FHIT: variants seen among roughly 807,000 people sequenced by gnomAD.
FHIT encodes bis(5'-adenosyl)-triphosphatase.
A neutral mutation model predicts 17.9 loss-of-function variants in FHIT; 19 were observed. The ratio of observed to expected loss-of-function variants is 1.06; its 90% CI spans 0.74 to 1.56. FHIT has a LOEUF of 1.56. Ranked by LOEUF, FHIT falls within the 40% of genes most tolerant of loss-of-function variation. The probability of loss-of-function intolerance (pLI) is 0.00; values close to 1 mark genes in which losing one functional copy is unlikely to be tolerated. For synonymous variants in FHIT, 81 were observed against 69.7 expected (o/e 1.16, Z -0.81); for missense variants, 248 against 189.2 (o/e 1.31, Z -1.82).
rs1553680331 is a variant in FHIT, at chr3:60,624,899, T to TG, written c.-17-87921_-17-87920insC. ...AAGATATTTGGCTTGTTTCTAGTTT[T>TG]TTTTTTTGTTTGTTTGTTTGTTTGT... is the stretch of plus-strand genomic sequence containing the variant. On this transcript the variant is annotated intron_variant, in intron 4 of 9. Transcript: ENST00000492590. 2.1e-5 allele frequency among the ~76,000 whole-genome samples: 3 copies of TG among 140,284 alleles called. No homozygotes were observed. The East Asian group carries it at 6.2e-4, about 29-fold the overall frequency. The allele number at this position is 140,284 out of a possible 152,430, so 92.0% of individuals were successfully genotyped here. A position where few individuals can be genotyped will look rare whatever the true frequency, so the allele number is the denominator to read the frequency against.
chr3:60,370,916 G>C (rs1373805799), intron 5 of FHIT, among the ~76,000 whole-genome samples: 1 of 152,158 alleles, frequency 6.6e-6, no homozygotes, highest in Non-Finnish European at 1.5e-5. Flanking sequence ...CATTGCTTTT[G>C]TGCCTCTCAC....
At chr3:60,491,930 C>T (rs1262303813) in intron 5 of FHIT, among the ~76,000 whole-genome samples, 1 of 152,120 alleles carries the variant, frequency 6.6e-6, no homozygotes, top group Non-Finnish European at 1.5e-5. Flanking sequence ...AGTAGCATTA[C>T]ATGTTTGGCT....
chr3:60,671,149 G>C (rs2107842145), intron 4 of FHIT, among the ~76,000 whole-genome samples: 1 of 152,238 alleles, frequency 6.6e-6, no homozygotes, highest in African/African-American at 2.4e-5. Flanking sequence ...TCTAGATTAT[G>C]CTTAACTAGA....
chr3:60,965,384 C>T (rs1553782927), intron 3 of FHIT, among the ~76,000 whole-genome samples: 4 of 152,198 alleles, frequency 2.6e-5, no homozygotes, highest in Non-Finnish European at 5.9e-5. Context: ...GAACATCCTC[C>T]TTTAGCTTGG....
chr3:60,574,156 A>T (rs2856018), intron 4 of FHIT, among the ~76,000 whole-genome samples: 48,871 of 151,874 alleles, frequency 0.32, 8,162 homozygotes, highest in East Asian at 0.46. Flanking sequence ...CGATTTAAAC[A>T]ATGATCCCAG....
intron 3 of FHIT, among the ~76,000 whole-genome samples, chr3:61,014,807 A>AAAATT (rs1553798839): frequency 1.0e-4 from 5 of 49,116 alleles, no homozygotes; most frequent in African/African-American, 1.6e-4. Flanking sequence ...AAAAAAAAAA[A>AAAATT]ATATATATAT....
intron 4 of FHIT, among the ~76,000 whole-genome samples, chr3:60,569,742 T>G (rs369103760): frequency 1.2e-4 from 8 of 66,066 alleles, no homozygotes; most frequent in African/African-American, 4.4e-4. Flanking sequence ...TATATATATA[T>G]ATATATATAT....
intron 4 of FHIT, among the ~76,000 whole-genome samples, chr3:60,570,672 T>C (rs947060830): frequency 6.6e-6 from 1 of 150,380 alleles, no homozygotes; most frequent in Non-Finnish European, 1.5e-5. Flanking sequence ...ACTTCAGAAG[T>C]TGGTCACCTT....
intron 4 of FHIT, among the ~76,000 whole-genome samples, chr3:60,698,357 CT>C (rs1389229175): frequency 1.3e-5 from 2 of 152,094 alleles, no homozygotes; most frequent in Non-Finnish European, 2.9e-5. Flanking sequence ...ATAAATCAGG[CT>C]TTTGTCCCAT....
rs114890406 is a variant in FHIT at position 59,858,925 on chromosome 3, G to A, written c.348+63421C>T. ...CAGATATGGAAATAATAATAAGTGTGTGTTTGTGTGGACTTATATGTACAT... is the reference window on the plus strand; with the variant it reads ...CAGATATGGAAATAATAATAAGTGTATGTTTGTGTGGACTTATATGTACAT... On this transcript the variant is annotated intron_variant, in intron 8 of 9. Coordinates refer to ENST00000492590, the MANE Select transcript of FHIT (RefSeq NM_002012.4). Among the ~76,000 whole-genome samples the A allele has an allele frequency of 2.8e-3, 428 of 152,254 alleles. 2 individuals are homozygous for A. Among genetic ancestry groups the A allele is most frequent in the South Asian group, 0.011 (52 of 4,822 alleles).
chr3:60,975,664 C>T (rs773911048), intron 3 of FHIT, among the ~76,000 whole-genome samples: 6 of 152,038 alleles, frequency 3.9e-5, no homozygotes, highest in African/African-American at 9.7e-5. Context: ...GTTTTCAAAC[C>T]TTTTTTGAAT....
chr3:60,580,055 T>A (rs139477736), intron 4 of FHIT, among the ~76,000 whole-genome samples: 2 of 152,218 alleles, frequency 1.3e-5, no homozygotes, highest in African/African-American at 2.4e-5. Context: ...TGTCTGCACA[T>A]CTCTCATTGG....
chr3:60,207,330 G>A lies in FHIT; in HGVS notation c.104-193178C>T, dbSNP rs543654407. On this transcript the variant is annotated intron_variant, in intron 5 of 9. Coordinates refer to ENST00000492590, the MANE Select transcript of FHIT (RefSeq NM_002012.4). ...ATATAAGACAGCCATCTCAACAATC[G>A]TGTCCAGTCATTCAGCAATCAGCCA... 2.6e-5 allele frequency among the ~76,000 whole-genome samples: 4 copies of A among 152,034 alleles called. No homozygotes were observed. In the South Asian group the frequency reaches 6.2e-4, roughly 24 times the overall value.
chr3:61,036,322 C>A (rs1274628376), intron 3 of FHIT, among the ~76,000 whole-genome samples: 4 of 152,044 alleles, frequency 2.6e-5, no homozygotes, highest in Non-Finnish European at 4.4e-5. Flanking sequence ...TCAGCCCCCC[C>A]TGATCTAATC....
At chr3:59,996,741 C>T (rs1016300700) in intron 7 of FHIT, among the ~76,000 whole-genome samples, 6 of 152,092 alleles carry the variant, frequency 3.9e-5, no homozygotes, top group African/African-American at 1.4e-4. Context: ...AAAGCACCCA[C>T]ATAGATCATT....
chr3:60,673,998 C>T (rs1424916342), intron 4 of FHIT, among the ~76,000 whole-genome samples: 3 of 151,148 alleles, frequency 2.0e-5, no homozygotes, highest in African/African-American at 4.9e-5. Context: ...TTTTTCCTCC[C>T]TCATTCTCTC....
intron 5 of FHIT, among the ~76,000 whole-genome samples, chr3:60,123,967 A>ATATATATATATATATAT (rs1705378774): frequency 1.1e-4 from 3 of 27,796 alleles, no homozygotes; most frequent in Non-Finnish European, 1.9e-4. Context: ...ATGCACTAAA[A>ATATATATATATATATAT]ATATATATAT....
intron 5 of FHIT, among the ~76,000 whole-genome samples, chr3:60,357,316 C>T (rs577065932): frequency 3.3e-5 from 5 of 152,192 alleles, no homozygotes; most frequent in East Asian, 1.9e-4. Flanking sequence ...CAAGCTCAAG[C>T]GATTCTCCTG....
intron 5 of FHIT, among the ~76,000 whole-genome samples, chr3:60,120,045 G>A (rs944475379): frequency 3.3e-5 from 5 of 152,132 alleles, no homozygotes; most frequent in African/African-American, 1.2e-4. Context: ...TTACGGCACT[G>A]TTACCACATT....
Sources: gnomAD v4.1 joint callset for allele counts (sites outside exome capture counted in the v4.1 genomes callset) on GRCh38, gnomAD v4.1.1 for gene constraint, MANE v1.5 for transcripts, NCBI Gene and HGNC (gene_info 2026-07-23, HGNC 2026-07-21) for gene names.